TUSC3: variants seen among roughly 807,000 people sequenced by gnomAD.
The protein encoded by TUSC3 is dolichyl-diphosphooligosaccharide--protein glycosyltransferase subunit TUSC3.
Under a neutral mutation model 44.8 loss-of-function variants are expected in TUSC3, and 45 were observed. The ratio of observed to expected loss-of-function variants is 1.00; its 90% confidence interval spans 0.79 to 1.29. The LOEUF (loss-of-function observed/expected upper bound fraction) is 1.29, where lower values mean the gene tolerates loss of function less well. Among genes scored for constraint, TUSC3 ranks in the 50% most tolerant of loss-of-function variants. The pLI, the probability that TUSC3 is intolerant of heterozygous loss-of-function variation, is 0.00. For synonymous variants in TUSC3, 212 were observed against 152.9 expected (o/e 1.39, Z -2.85); for missense variants, 519 against 437.9 (o/e 1.19, Z -1.65).
chr8:15,490,492 C>T (rs1293113118), intron 2 of TUSC3, among the ~76,000 whole-genome samples: 2 of 152,158 alleles, frequency 1.3e-5, no homozygotes, highest in African/African-American at 4.8e-5. Flanking sequence ...AACTGAAGGC[C>T]TGCTGACGTT....
At chr8:15,663,573 G>A (rs914749336) in intron 5 of TUSC3, among the ~76,000 whole-genome samples, 2 of 151,888 alleles carry the variant, frequency 1.3e-5, no homozygotes, top group Admixed American at 6.6e-5. Flanking sequence ...AATTCAGACA[G>A]AACCTCTGTG....
intron 2 of TUSC3, among the ~76,000 whole-genome samples, chr8:15,518,573 C>G (rs927488394): frequency 1.3e-5 from 2 of 152,052 alleles, no homozygotes; most frequent in African/African-American, 4.8e-5. Flanking sequence ...AATACAATCT[C>G]AGCTTTTATA....
At chr8:15,603,131 T>G (rs184662243) in intron 1 of TUSC3, among the ~76,000 whole-genome samples, 25 of 151,760 alleles carry the variant, frequency 1.6e-4, no homozygotes, top group African/African-American at 6.0e-4. Flanking sequence ...TGTAGTTAAT[T>G]ACTAATACAT....
At chr8:15,613,064 G>GATATATATATATATATATATATATATAT (rs34594440) in intron 1 of TUSC3, among the ~76,000 whole-genome samples, 8 of 144,568 alleles carry the variant, frequency 5.5e-5, no homozygotes, top group African/African-American at 2.0e-4. Flanking sequence ...TTATATATAT[G>GATATATATATATATATATATATATATAT]ATATATATAT....
At chr8:15,471,689 C>T (rs1453256256) in intron 1 of TUSC3, among the ~76,000 whole-genome samples, 2 of 151,288 alleles carry the variant, frequency 1.3e-5, no homozygotes, top group East Asian at 3.9e-4. Context: ...GTGATCTCAG[C>T]TCACTGCAAC....
At chr8:15,527,804 G>C (rs1801395842) in intron 2 of TUSC3, among the ~76,000 whole-genome samples, 1 of 152,160 alleles carries the variant, frequency 6.6e-6, no homozygotes, top group African/African-American at 2.4e-5. Flanking sequence ...GACAAAATAA[G>C]CTCTTCACTT....
At chr8:15,703,076 C>T (rs1227301094) in intron 6 of TUSC3, among the ~76,000 whole-genome samples, 1 of 152,074 alleles carries the variant, frequency 6.6e-6, no homozygotes, top group Non-Finnish European at 1.5e-5. Flanking sequence ...GGAAAAACTG[C>T]TGAGATTCTT....
In TUSC3 at chr8:15,659,642, G is replaced by A; in HGVS notation, c.562G>A (p.Val188Ile). The A allele has an allele frequency of 6.2e-7, 1 of 1,612,556 alleles. No individual in the cohort carries two copies. Among genetic ancestry groups the A allele is most frequent in the Non-Finnish European group, 8.5e-7 (1 of 1,179,482 alleles). The stretch of plus-strand genomic sequence containing the variant: ...AAAGTGGATTGCTGACAGAACGGAT[G>A]TTCATGTATGTTTTTATTCCTCACA... ...LAKWIADRTD[V>I]HIRVFRPPNY... Residue 188 changes from valine (V) to isoleucine (I), a missense_variant, in exon 4 of 11, where the codon GTT becomes ATT. Val to Ile is a conservative substitution (Grantham distance 29). Transcript: ENST00000503731.
At chr8:15,614,314 C>T (rs1264658825) in intron 1 of TUSC3, among the ~76,000 whole-genome samples, 2 of 152,060 alleles carry the variant, frequency 1.3e-5, no homozygotes, top group East Asian at 3.9e-4. Flanking sequence ...TTTTACATTT[C>T]TTAACATGCA....
the TUSC3 span, among the ~76,000 whole-genome samples, chr8:15,787,614 T>C: frequency 6.6e-6 from 1 of 152,214 alleles, no homozygotes; most frequent in African/African-American, 2.4e-5. Context: ...ATTTCTATGA[T>C]ATATGGTTCC....
chr8:15,689,850 G>C, intron 6 of TUSC3, among the ~76,000 whole-genome samples: 1 of 64,260 alleles, frequency 1.6e-5, no homozygotes, highest in Non-Finnish European at 3.1e-5. Flanking sequence ...GTGTGTGTGT[G>C]TGTGTGTGTG....
the TUSC3 span, among the ~76,000 whole-genome samples, chr8:15,837,404 A>G: frequency 3.3e-5 from 5 of 152,076 alleles, no homozygotes. Flanking sequence ...TCTTTTTGTC[A>G]GACTAATTAT....
intron 6 of TUSC3, among the ~76,000 whole-genome samples, chr8:15,690,830 G>A (rs1044186745): frequency 9.2e-5 from 14 of 151,624 alleles, no homozygotes; most frequent in Admixed American, 7.9e-4. Context: ...CATTACTTCT[G>A]TGCTCCTTAT....
intron 1 of TUSC3, among the ~76,000 whole-genome samples, chr8:15,548,137 C>T (rs1028583235): frequency 3.3e-5 from 5 of 151,544 alleles, no homozygotes; most frequent in Admixed American, 1.3e-4. Context: ...ATTTCCGTTG[C>T]CCCCTAGTTT....
chr8:15,593,521 A>G (rs986752718), intron 1 of TUSC3, among the ~76,000 whole-genome samples: 3 of 152,186 alleles, frequency 2.0e-5, no homozygotes, highest in Admixed American at 6.5e-5. Context: ...TGTATACATC[A>G]TCTACATTCT....
intron 1 of TUSC3, among the ~76,000 whole-genome samples, chr8:15,569,850 G>A (rs544758005): frequency 2.0e-5 from 3 of 152,066 alleles, no homozygotes; most frequent in South Asian, 2.1e-4. Flanking sequence ...CATTTAGTGC[G>A]GACCAAAGGT....
chr8:15,571,513 C>G (rs535938021), intron 1 of TUSC3, among the ~76,000 whole-genome samples: 1 of 152,236 alleles, frequency 6.6e-6, no homozygotes, highest in Admixed American at 6.5e-5. Context: ...AAAATATGAT[C>G]TTCTGAGCCT....
At chr8:15,806,095 G>A in the TUSC3 span, 5 of 359,958 alleles carry the variant, frequency 1.4e-5, no homozygotes, top group East Asian at 3.1e-4. Flanking sequence ...ACAAAGCTGA[G>A]CTGTACTCAG....
chr8:15,749,738 T>G (rs538616261), intron 9 of TUSC3, among the ~76,000 whole-genome samples: 1 of 150,620 alleles, frequency 6.6e-6, no homozygotes, highest in African/African-American at 2.5e-5. Context: ...TGAAGTTTTT[T>G]TTTTTTTTCT....
Sources: gnomAD v4.1 joint callset for allele counts (sites outside exome capture counted in the v4.1 genomes callset) on GRCh38, gnomAD v4.1.1 for gene constraint, MANE v1.5 for transcripts, NCBI Gene and HGNC (gene_info 2026-07-23, HGNC 2026-07-21) for gene names.